The following NDUFAF6 variants were observed in gnomAD, a reference collection of about 807,000 sequenced individuals.
The protein encoded by NDUFAF6 is NADH:ubiquinone oxidoreductase complex assembly factor 6.
NDUFAF6 carries 45 observed loss-of-function variants against 40.8 expected under a neutral mutation model. The ratio of observed to expected loss-of-function variants is 1.10; its 90% CI spans 0.87 to 1.42. The LOEUF (loss-of-function observed/expected upper bound fraction) is 1.42, where lower values mean the gene tolerates loss of function less well. Among genes scored for constraint, NDUFAF6 ranks in the 40% most tolerant of loss-of-function variants. NDUFAF6 has a pLI of 0.00. For missense variants in NDUFAF6, 435 were observed against 418.5 expected (o/e 1.04, Z -0.34); for synonymous variants, 185 against 155.9 (o/e 1.19, Z -1.39).
chr8:95,083,112 C>T (rs754509416), intron 2 of NDUFAF6, among the ~76,000 whole-genome samples: 3 of 152,172 alleles, frequency 2.0e-5, no homozygotes, highest in Non-Finnish European at 4.4e-5. Flanking sequence ...AGGGTTTTAT[C>T]TGTCTTTGTT....
intron 1 of NDUFAF6, among the ~76,000 whole-genome samples, chr8:94,918,142 G>C (rs935780339): frequency 6.6e-6 from 1 of 152,090 alleles, no homozygotes; most frequent in African/African-American, 2.4e-5. Flanking sequence ...AAACTTCTAA[G>C]TGCACCGACC....
chr8:95,025,229 G>A (rs780134504), intron 1 of NDUFAF6, 24 bp downstream of exon 1: 4 of 1,382,614 alleles, frequency 2.9e-6, no homozygotes, highest in Admixed American at 3.8e-5. Flanking sequence ...ACCTTCCCTG[G>A]CGCGGCGGGA....
intron 1 of NDUFAF6, among the ~76,000 whole-genome samples, chr8:94,925,625 C>T (rs1017102792): frequency 1.3e-5 from 2 of 151,346 alleles, no homozygotes; most frequent in African/African-American, 2.4e-5. Flanking sequence ...CTGCAACCTC[C>T]GCCTCCCAGG....
intron 2 of NDUFAF6, among the ~76,000 whole-genome samples, chr8:94,949,814 G>C (rs1189164462): frequency 6.6e-6 from 1 of 152,208 alleles, no homozygotes; most frequent in Non-Finnish European, 1.5e-5. Flanking sequence ...TTTCCTGTGA[G>C]AGGAACATTA....
chr8:94,905,392 G>A (rs536700163), intron 1 of NDUFAF6, among the ~76,000 whole-genome samples: 39 of 151,846 alleles, frequency 2.6e-4, no homozygotes, highest in Non-Finnish European at 3.7e-4. Context: ...TGAGTCCTGT[G>A]ATGTGAGAGG....
chr8:94,916,447 A>T (rs1181469293), intron 1 of NDUFAF6, among the ~76,000 whole-genome samples: 1 of 152,258 alleles, frequency 6.6e-6, no homozygotes, highest in African/African-American at 2.4e-5. Flanking sequence ...AGTGTTAGCC[A>T]CTAAAGTTTA....
chr8:94,940,291 G>A (rs1821403548), intron 1 of NDUFAF6: 1 of 1,500,310 alleles, frequency 6.7e-7, no homozygotes, highest in Non-Finnish European at 8.9e-7. Context: ...TTATCACATT[G>A]GGCAGTCATT....
chr8:95,087,742 G>T (rs1398036471), intron 2 of NDUFAF6: 1 of 152,180 alleles, frequency 6.6e-6, no homozygotes, highest in South Asian at 2.1e-4. Context: ...TTGCTAACAT[G>T]CTGGGTCCAG....
At position 95,036,315 on chromosome 8, in the gene NDUFAF6, AG is replaced by A. The variant is rs1356568801; in HGVS notation, c.420+742del. On this transcript the variant is annotated intron_variant, in intron 3 of 8. Transcript: ENST00000396124. ...GTTGTAATGCAGTGATTGCCAAAAGAGGGTTTCTGTAACAGGAGCCACCCAC... is the reference window on the plus strand; with the variant it reads ...GTTGTAATGCAGTGATTGCCAAAAGAGGTTTCTGTAACAGGAGCCACCCAC... The A allele has an allele frequency of 2.3e-5, 30 of 1,286,144 alleles. No homozygotes were observed. In the African/African-American group the frequency reaches 3.6e-4, roughly 16 times the overall value. The allele number at this position is 1,286,144 out of a possible 1,614,324, so 79.7% of individuals were successfully genotyped here.
intron 4 of NDUFAF6, among the ~76,000 whole-genome samples, chr8:95,043,467 T>C (rs1410096495): frequency 2.0e-5 from 3 of 151,928 alleles, no homozygotes; most frequent in Non-Finnish European, 4.4e-5. Context: ...AGAAAAAAAT[T>C]ATTTGCCAGT....
chr8:94,939,769 G>C, intron 1 of NDUFAF6: 1 of 1,522,920 alleles, frequency 6.6e-7, no homozygotes, highest in Middle Eastern at 1.8e-4. Context: ...AATTAGTTTT[G>C]CATCTTCTAA....
chr8:94,898,288 A>T (rs114349934), intron 1 of NDUFAF6, among the ~76,000 whole-genome samples: 3,125 of 152,268 alleles, frequency 0.021, 35 homozygotes, highest in African/African-American at 0.032. Flanking sequence ...TTGCTCTAGG[A>T]TCTCGTCCAG....
chr8:94,927,687 G>A (rs1478466113), intron 1 of NDUFAF6: 1 of 152,096 alleles, frequency 6.6e-6, no homozygotes, highest in African/African-American at 2.4e-5. Flanking sequence ...ATTATAAAAT[G>A]TTTTGTCAAC....
intron 2 of NDUFAF6, among the ~76,000 whole-genome samples, chr8:95,033,414 CT>C (rs1365738965): frequency 6.6e-6 from 1 of 152,192 alleles, no homozygotes; most frequent in African/African-American, 2.4e-5. Flanking sequence ...TCTTTGTACA[CT>C]TTGTACATCT....
At chr8:95,073,207 A>G (rs923030211) in intron 9 of NDUFAF6, 1 of 152,516 alleles carries the variant, frequency 6.6e-6, no homozygotes, top group African/African-American at 2.4e-5. Flanking sequence ...CTCAGCCCCA[A>G]CGGCGCTTTA....
intron 2 of NDUFAF6, among the ~76,000 whole-genome samples, chr8:95,101,796 G>T (rs1457417321): frequency 6.6e-6 from 1 of 151,934 alleles, no homozygotes; most frequent in Non-Finnish European, 1.5e-5. Flanking sequence ...AACTCAAAAT[G>T]ACTCGAGTAA....
At chr8:95,075,970 G>C in exon 10 of NDUFAF6, 1 of 292,816 alleles carries the variant, frequency 3.4e-6, no homozygotes, top group South Asian at 3.1e-5. Context: ...GGCTGGTGGG[G>C]TGGACTCCGG....
At chr8:94,956,541 T>C (rs1823089967), upstream of NDUFAF6, among the ~76,000 whole-genome samples, 2 of 151,986 alleles carry the variant, frequency 1.3e-5, 1 homozygote, top group Non-Finnish European at 2.9e-5. Flanking sequence ...GGAGAGAACA[T>C]GCAAACCAGA....
chr8:94,909,903 C>T (rs1039439468), intron 1 of NDUFAF6, among the ~76,000 whole-genome samples: 2 of 152,004 alleles, frequency 1.3e-5, no homozygotes, highest in African/African-American at 4.8e-5. Flanking sequence ...TGGTTTCACT[C>T]AGCCTGAGAG....
Sources: gnomAD v4.1 joint callset for allele counts (sites outside exome capture counted in the v4.1 genomes callset) on GRCh38, gnomAD v4.1.1 for gene constraint, MANE v1.5 for transcripts, NCBI Gene and HGNC (gene_info 2026-07-23, HGNC 2026-07-21) for gene names.